NUP88: variants seen among roughly 807,000 people sequenced by gnomAD.
The protein encoded by NUP88 is nucleoporin 88.
Under a neutral mutation model 93.9 loss-of-function variants are expected in NUP88, and 57 were observed. The observed-to-expected ratio is 0.61, with a 90% CI of 0.49 to 0.76. The LOEUF (loss-of-function observed/expected upper bound fraction) is 0.76, where lower values mean the gene tolerates loss of function less well. Ranked by LOEUF, NUP88 falls within the 30% of genes least tolerant of loss-of-function variation. NUP88 has a pLI of 0.00. For missense variants in NUP88, 911 were observed against 901.0 expected (o/e 1.01, Z -0.14); for synonymous variants, 346 against 336.8 (o/e 1.03, Z -0.30).
intron 1 of NUP88, 152 bp from the exon 2 acceptor site, chr17:5,416,834 T>A: frequency 9.9e-6 from 4 of 402,138 alleles, no homozygotes; most frequent in South Asian, 4.0e-5. Context: ...ACTCACAAAT[T>A]TTTTTTTTTT....
intron 7 of NUP88, among the ~76,000 whole-genome samples, chr17:5,400,493 C>CA (rs1187634728): frequency 0.053 from 2,277 of 42,734 alleles, 70 homozygotes; most frequent in African/African-American, 0.094. Context: ...AACTCCGTCT[C>CA]AAAAAAAAAA....
Position 5,408,770 on chromosome 17 carries a change from C to T in NUP88, c.820G>A (p.Gly274Arg). 1 of 1,612,456 alleles carries T rather than the reference C, an allele frequency of 6.2e-7. No individual in the cohort carries two copies. The highest frequency in any genetic ancestry group is 8.5e-7 in the Non-Finnish European group (1 of 1,179,512). ...AYPLYILYEN[G>R]ETFLTYISLL... The stretch of plus-strand genomic sequence containing the variant: ...CTGATGTATGTCAGGAAAGTCTCTC[C>T]ATTTTCATATAAGATGTACAGTGGG... Residue 274 changes from glycine (G) to arginine (R), a missense_variant, in exon 5 of 17, where the codon GGA becomes AGA. Physicochemically the swap from Gly to Arg is moderately radical, Grantham distance 125 (BLOSUM62 -2). Coordinates refer to ENST00000573584, the MANE Select transcript of NUP88 (RefSeq NM_002532.6).
intron 7 of NUP88, 148 bp downstream of exon 7, chr17:5,403,951 G>A (rs1913326223): frequency 1.4e-6 from 1 of 717,846 alleles, no homozygotes. Flanking sequence ...GACAAAAAGT[G>A]TACTATAGTG....
At chr17:5,405,584 C>T (rs942306905) in intron 5 of NUP88, among the ~76,000 whole-genome samples, 5 of 152,158 alleles carry the variant, frequency 3.3e-5, no homozygotes, top group African/African-American at 7.2e-5. Context: ...CTAAAACAAA[C>T]AATAATTCAG....
At position 5,416,696 on chromosome 17, in the gene NUP88, C is replaced by T. The variant is rs775684344; in HGVS notation, c.298-14G>A. The stretch of plus-strand genomic sequence containing the variant: ...GCAAAGCAATCTCTGAAAATTAGAG[C>T]AAACCAGTCAACATAGTTAATTTTA... On this transcript the variant is annotated splice_polypyrimidine_tract_variant and intron_variant, in intron 1 of 16. Coordinates refer to ENST00000573584, the MANE Select transcript of NUP88 (RefSeq NM_002532.6). 6.9e-6 allele frequency: 11 copies of T among 1,594,300 alleles called. No homozygotes were observed. The highest frequency in any genetic ancestry group is 9.4e-6 in the Non-Finnish European group (11 of 1,173,534).
At chr17:5,392,887 T>C (rs184489666) in intron 9 of NUP88, among the ~76,000 whole-genome samples, 1 of 152,262 alleles carries the variant, frequency 6.6e-6, no homozygotes, top group Non-Finnish European at 1.5e-5. Flanking sequence ...CCTCGTGGGC[T>C]CAAACAATCC....
chr17:5,416,180 T>TATATATATACACAAATACAC (rs1374990658), intron 2 of NUP88, among the ~76,000 whole-genome samples: 1 of 107,338 alleles, frequency 9.3e-6, no homozygotes. Flanking sequence ...TATATATATA[T>TATATATATACACAAATACAC]ACACACATAC....
chr17:5,409,747 A>G (rs947260813), intron 4 of NUP88, among the ~76,000 whole-genome samples: 1 of 152,248 alleles, frequency 6.6e-6, no homozygotes, highest in Non-Finnish European at 1.5e-5. Context: ...CATGAAAAAT[A>G]AAGTAGGGTA....
At chr17:5,415,443 C>T (rs1348557419) in intron 2 of NUP88, among the ~76,000 whole-genome samples, 2 of 152,182 alleles carry the variant, frequency 1.3e-5, no homozygotes, top group African/African-American at 4.8e-5. Context: ...TTTACTAACC[C>T]TGTAAGGAAA....
At chr17:5,386,956 A>C in intron 15 of NUP88, 28 bp downstream of exon 15, 1 of 1,605,262 alleles carries the variant, frequency 6.2e-7, no homozygotes, top group South Asian at 1.1e-5. Context: ...AAAATTACCA[A>C]ATTTAGCTAG....
intron 9 of NUP88, among the ~76,000 whole-genome samples, chr17:5,392,631 G>A (rs1325109787): frequency 6.6e-6 from 1 of 152,116 alleles, no homozygotes; most frequent in Admixed American, 6.5e-5. Flanking sequence ...GTTCCCATGC[G>A]ACCTTCCCTG....
chr17:5,391,575 G>T lies in NUP88; in HGVS notation c.1470C>A (p.Leu490=), dbSNP rs756142665. Residue 490 remains leucine (L), a synonymous_variant, in exon 10 of 17, where the codon CTC becomes CTA. Coordinates refer to ENST00000573584, the MANE Select transcript of NUP88 (RefSeq NM_002532.6). ...ATGGGACGTACAATAACGGCCATAT[G>T]AGGCATTCATAGGTACTGGTGATGC... ...MICITSTYEC[L]IWPLLSTVHP... The T allele has an allele frequency of 6.2e-7, 1 of 1,612,706 alleles. No individual in the cohort carries two copies. Among genetic ancestry groups the T allele is most frequent in the Non-Finnish European group, 8.5e-7 (1 of 1,178,720 alleles).
At chr17:5,412,303 T>G (rs1412257303) in intron 3 of NUP88, among the ~76,000 whole-genome samples, 2 of 152,100 alleles carry the variant, frequency 1.3e-5, no homozygotes, top group Non-Finnish European at 1.5e-5. Flanking sequence ...TGCCCTGAAC[T>G]CTAAAGCCAA....
chr17:5,408,298 C>T (rs1348498198), intron 5 of NUP88, among the ~76,000 whole-genome samples: 1 of 152,232 alleles, frequency 6.6e-6, no homozygotes, highest in Non-Finnish European at 1.5e-5. Context: ...ACCTCCCAGT[C>T]AGAATGATCT....
intron 7 of NUP88, among the ~76,000 whole-genome samples, chr17:5,400,139 T>TAA (rs199804588): frequency 9.0e-6 from 1 of 111,612 alleles, no homozygotes. Context: ...CTTTCATTTG[T>TAA]TAAAAAAAAA....
intron 9 of NUP88, 90 bp downstream of exon 9, chr17:5,394,801 C>T: frequency 1.2e-6 from 1 of 854,438 alleles, no homozygotes. Flanking sequence ...GCAGTGAATA[C>T]TGTGGATGTG....
rs574297138 is a variant in NUP88 at position 5,411,847 on chromosome 17, C to G, written c.594-1058G>C. Among the ~76,000 whole-genome samples the G allele has an allele frequency of 1.2e-4, 19 of 152,236 alleles. No individual in the cohort carries two copies. The South Asian group carries it at 3.9e-3, about 31-fold the overall frequency. On this transcript the variant is annotated intron_variant, in intron 3 of 16. Coordinates refer to ENST00000573584, the MANE Select transcript of NUP88 (RefSeq NM_002532.6). ...GGTTTCTTCCAATATCAATAAAATG[C>G]CACATTAAGTATTTAATAAATTTTT...
At chr17:5,392,534 A>T (rs1912505467) in intron 9 of NUP88, among the ~76,000 whole-genome samples, 1 of 151,644 alleles carries the variant, frequency 6.6e-6, no homozygotes. Flanking sequence ...ACTTTTTATT[A>T]TCAGTGTGAA....
chr17:5,419,624 GC>G lies in NUP88; in HGVS notation c.26del (p.Gly9AlafsTer23). 1 of 1,594,564 alleles carries G rather than the reference GC, an allele frequency of 6.3e-7. No individual in the cohort carries two copies. Among genetic ancestry groups the G allele is most frequent in the Non-Finnish European group, 8.6e-7 (1 of 1,169,240 alleles). On this transcript the variant is annotated frameshift_variant, in exon 1 of 17. Transcript: ENST00000573584. LOFTEE classifies it high-confidence loss of function. Reference protein sequence around the residue: MAAAEGPVGDGELWQTWLP... With the variant: MAAAEGPVXDGELWQTWLP... Reference sequence around the variant, plus strand: ...GCCAGGTCTGCCACAGCTCGCCGTCGCCCACCGGTCCCTCGGCGGCCGCCAT... The same window carrying G: ...GCCAGGTCTGCCACAGCTCGCCGTCGCCACCGGTCCCTCGGCGGCCGCCAT...
Sources: allele counts gnomAD v4.1 joint callset (sites outside exome capture counted in the v4.1 genomes callset), GRCh38; gene constraint gnomAD v4.1.1; transcripts MANE v1.5; gene names NCBI Gene and HGNC (gene_info 2026-07-23, HGNC 2026-07-21).